RAPGEF6: variants seen among roughly 807,000 people sequenced by gnomAD.
RAPGEF6 encodes Rap guanine nucleotide exchange factor 6, also known as PDZ domain containing guanine nucleotide exchange factor (GEF) 2.
Under a neutral mutation model 171.4 loss-of-function variants are expected in RAPGEF6, and 56 were observed. That is an observed-to-expected ratio of 0.33 (90% CI 0.26 to 0.41). RAPGEF6 has a LOEUF of 0.41. Ranked by LOEUF, RAPGEF6 falls within the 10% of genes least tolerant of loss-of-function variation. The pLI, the probability that RAPGEF6 is intolerant of heterozygous loss-of-function variation, is 1.00. For missense variants in RAPGEF6, 1,674 were observed against 1,921.4 expected (o/e 0.87, Z 2.41); for synonymous variants, 692 against 650.1 (o/e 1.06, Z -0.98).
At chr5:131,447,704 C>A (rs1017261820) in intron 21 of RAPGEF6, among the ~76,000 whole-genome samples, 2 of 152,176 alleles carry the variant, frequency 1.3e-5, no homozygotes, top group African/African-American at 4.8e-5. Flanking sequence ...ACAAAGACCA[C>A]AGTGCTCATA....
chr5:131,634,219 T>A (rs1435477381), intron 1 of RAPGEF6, among the ~76,000 whole-genome samples: 1 of 152,254 alleles, frequency 6.6e-6, no homozygotes, highest in Non-Finnish European at 1.5e-5. Flanking sequence ...TCCCACTTGT[T>A]ATAGAAACCT....
At chr5:131,582,959 C>A (rs1224029821) in intron 4 of RAPGEF6, among the ~76,000 whole-genome samples, 2 of 152,182 alleles carry the variant, frequency 1.3e-5, no homozygotes, top group Non-Finnish European at 2.9e-5. Flanking sequence ...TATGTATTCA[C>A]ATAAACACGT....
chr5:131,435,454 A>G (rs1751955547), intron 24 of RAPGEF6, among the ~76,000 whole-genome samples: 1 of 152,230 alleles, frequency 6.6e-6, no homozygotes, highest in African/African-American at 2.4e-5. Flanking sequence ...TTTAAAAAAT[A>G]ATTTCATTCT....
chr5:131,511,760 C>A (rs1197668514), intron 7 of RAPGEF6, among the ~76,000 whole-genome samples: 1 of 152,128 alleles, frequency 6.6e-6, no homozygotes, highest in Non-Finnish European at 1.5e-5. Context: ...CTTGGCCTCC[C>A]AAAATGCTGG....
chr5:131,473,729 A>G (rs1427383738), intron 16 of RAPGEF6, among the ~76,000 whole-genome samples: 1 of 152,254 alleles, frequency 6.6e-6, no homozygotes, highest in African/African-American at 2.4e-5. Flanking sequence ...AGATTAAAGT[A>G]TAGTATTATA....
chr5:131,567,095 C>CA (rs34938105), intron 4 of RAPGEF6, among the ~76,000 whole-genome samples: 86,817 of 131,486 alleles, frequency 0.66, 28,192 homozygotes, highest in Non-Finnish European at 0.76. Flanking sequence ...ACTCTTGTCT[C>CA]AAAAAAAAAA....
intron 1 of RAPGEF6, among the ~76,000 whole-genome samples, chr5:131,611,851 T>C (rs990983430): frequency 2.0e-5 from 3 of 152,164 alleles, no homozygotes; most frequent in Non-Finnish European, 4.4e-5. Context: ...ATGAATACAG[T>C]ATTATTTCTT....
At chr5:131,548,255 A>C (rs1760681944) in intron 5 of RAPGEF6, 65 bp from the exon 6 acceptor site, 3 of 1,520,064 alleles carry the variant, frequency 2.0e-6, no homozygotes, top group Admixed American at 3.6e-5. Context: ...CAATCTATGG[A>C]GTCTTAACAG....
intron 10 of RAPGEF6, 76 bp downstream of exon 10, chr5:131,505,283 ATTTTC>A: frequency 7.1e-7 from 1 of 1,402,402 alleles, no homozygotes; most frequent in Non-Finnish European, 9.9e-7. Context: ...AAATAAAGCT[ATTTTC>A]TTTTGAGGAA....
intron 15 of RAPGEF6, among the ~76,000 whole-genome samples, chr5:131,486,662 T>TA (rs552464504): frequency 6.7e-4 from 102 of 152,198 alleles, no homozygotes; most frequent in African/African-American, 2.4e-3. Context: ...CTGTAAGAGT[T>TA]ACTTCTTTCT....
intron 1 of RAPGEF6, among the ~76,000 whole-genome samples, chr5:131,630,682 T>TC (rs1453277180): frequency 6.6e-6 from 1 of 152,032 alleles, no homozygotes; most frequent in African/African-American, 2.4e-5. Context: ...ACAACATGTG[T>TC]CTGTACTTGA....
At chr5:131,573,864 T>C (rs1428077071) in intron 4 of RAPGEF6, among the ~76,000 whole-genome samples, 1 of 152,144 alleles carries the variant, frequency 6.6e-6, no homozygotes, top group Non-Finnish European at 1.5e-5. Context: ...ATCCTTAATA[T>C]GCATTTTATC....
At chr5:131,487,393 C>T (rs949497827) in intron 15 of RAPGEF6, among the ~76,000 whole-genome samples, 1 of 152,244 alleles carries the variant, frequency 6.6e-6, no homozygotes, top group African/African-American at 2.4e-5. Flanking sequence ...TCCCTGCCCA[C>T]ATCCTGCTGA....
chr5:131,487,877 C>T lies in RAPGEF6; in HGVS notation c.1840+1669G>A, dbSNP rs111428940. On this transcript the variant is annotated intron_variant, in intron 15 of 27. Transcript: ENST00000509018. ...TAGGGCTTTATTAGGGGCATCACCA[C>T]ATCTAGAGTAAAATGCTCCATTTCT... Among the ~76,000 whole-genome samples the T allele has an allele frequency of 1.8e-3, 272 of 152,304 alleles. 1 individual carries two copies. Among genetic ancestry groups the T allele is most frequent in the African/African-American group, 5.9e-3 (244 of 41,548 alleles).
chr5:131,453,714 C>T (rs1394508881), intron 20 of RAPGEF6, among the ~76,000 whole-genome samples: 1 of 152,092 alleles, frequency 6.6e-6, no homozygotes, highest in South Asian at 2.1e-4. Flanking sequence ...CGAGGTAGAC[C>T]CTGAGGTCTG....
intron 16 of RAPGEF6, among the ~76,000 whole-genome samples, chr5:131,479,093 T>C (rs59954710): frequency 3.3e-5 from 5 of 151,498 alleles, no homozygotes; most frequent in East Asian, 3.9e-4. Flanking sequence ...ATTTTGGAAA[T>C]AGAAATAGGT....
intron 15 of RAPGEF6, among the ~76,000 whole-genome samples, chr5:131,482,566 G>C (rs759056707): frequency 3.3e-5 from 5 of 152,160 alleles, no homozygotes; most frequent in Non-Finnish European, 7.3e-5. Flanking sequence ...CCCTCCCAAA[G>C]TGATGGGATT....
chr5:131,525,655 T>C (rs1445689444), intron 6 of RAPGEF6, among the ~76,000 whole-genome samples: 1 of 79,730 alleles, frequency 1.3e-5, no homozygotes, highest in Non-Finnish European at 2.8e-5. Flanking sequence ...TTCTATCATT[T>C]AGATATGAAA....
intron 18 of RAPGEF6, among the ~76,000 whole-genome samples, chr5:131,462,922 A>C (rs1044780765): frequency 3.7e-4 from 56 of 152,206 alleles, no homozygotes; most frequent in African/African-American, 1.3e-3. Context: ...CAATGCCATA[A>C]ATAATAGTGC....
Sources: allele counts gnomAD v4.1 joint callset (sites outside exome capture counted in the v4.1 genomes callset), GRCh38; gene constraint gnomAD v4.1.1; transcripts MANE v1.5; gene names NCBI Gene and HGNC (gene_info 2026-07-23, HGNC 2026-07-21).